The following THADA variants were observed in gnomAD, a reference collection of about 807,000 sequenced individuals.
THADA encodes tRNA (32-2'-O)-methyltransferase regulator THADA.
In THADA, 213 loss-of-function variants were observed where a neutral mutation model predicts 219.8. The ratio of observed to expected loss-of-function variants is 0.97; its 90% confidence interval spans 0.87 to 1.09. The LOEUF (loss-of-function observed/expected upper bound fraction) is 1.09, where lower values mean the gene tolerates loss of function less well. Ranked by LOEUF, THADA falls within the 50% of genes least tolerant of loss-of-function variation. THADA has a pLI of 0.00. For missense variants in THADA, 2,956 were observed against 2,311.3 expected, an observed-to-expected ratio of 1.28 and a Z score of -5.72; for synonymous variants, 1,018 against 828.9, an observed-to-expected ratio of 1.23 and a Z score of -3.92.
intron 30 of THADA, among the ~76,000 whole-genome samples, chr2:43,328,821 A>G (rs76606413): frequency 6.6e-6 from 1 of 152,306 alleles, no homozygotes; most frequent in African/African-American, 2.4e-5. Context: ...TGTTTCCCTT[A>G]GGATTGCTGC....
intron 21 of THADA, among the ~76,000 whole-genome samples, chr2:43,538,002 G>C (rs1377433063): frequency 6.6e-6 from 1 of 151,940 alleles, no homozygotes; most frequent in Non-Finnish European, 1.5e-5. Flanking sequence ...CTAATAGTTG[G>C]CAATCTTACT....
chr2:43,434,853 C>G (rs906577343), intron 26 of THADA, among the ~76,000 whole-genome samples: 44 of 152,314 alleles, frequency 2.9e-4, no homozygotes, highest in African/African-American at 1.0e-3. Context: ...TCTAATTGAG[C>G]TGACTAACAC....
intron 22 of THADA, among the ~76,000 whole-genome samples, chr2:43,516,146 C>A (rs1298783583): frequency 6.6e-6 from 1 of 152,170 alleles, no homozygotes; most frequent in Non-Finnish European, 1.5e-5. Context: ...TCATCACTAT[C>A]TCTTTTCTGT....
chr2:43,459,949 C>G (rs1683431328), intron 26 of THADA, among the ~76,000 whole-genome samples: 1 of 152,128 alleles, frequency 6.6e-6, no homozygotes, highest in Non-Finnish European at 1.5e-5. Flanking sequence ...AAAGCCACAT[C>G]TTGGCAAAAT....
chr2:43,494,462 T>C (rs960163710), intron 25 of THADA, among the ~76,000 whole-genome samples: 2 of 152,230 alleles, frequency 1.3e-5, no homozygotes, highest in African/African-American at 4.8e-5. Context: ...ATGTACCTTC[T>C]TTGTATTCTT....
intron 31 of THADA, among the ~76,000 whole-genome samples, chr2:43,296,464 C>A (rs1675397435): frequency 6.6e-6 from 1 of 151,882 alleles, no homozygotes; most frequent in Admixed American, 6.6e-5. Context: ...TTAGTAGAGA[C>A]AGGGTTTCAC....
chr2:43,306,771 T>C (rs1236060660), intron 31 of THADA, among the ~76,000 whole-genome samples: 2 of 152,170 alleles, frequency 1.3e-5, no homozygotes, highest in African/African-American at 4.8e-5. Flanking sequence ...AGGAGTTAGG[T>C]TAATTCTGCC....
At chr2:43,566,562 A>G (rs773973375) in intron 15 of THADA, 136 bp downstream of exon 15, 10 of 971,712 alleles carry the variant, frequency 1.0e-5, no homozygotes, top group South Asian at 1.4e-5. Flanking sequence ...CATTATGTAC[A>G]AGCAAGAATT....
At chr2:43,275,139 G>A (rs185499559) in intron 36 of THADA, among the ~76,000 whole-genome samples, 43 of 151,698 alleles carry the variant, frequency 2.8e-4, no homozygotes, top group African/African-American at 1.0e-3. Flanking sequence ...AGAGTAACTG[G>A]GACTACAGAT....
intron 31 of THADA, among the ~76,000 whole-genome samples, chr2:43,312,088 A>C (rs1185646870): frequency 6.6e-6 from 1 of 151,982 alleles, no homozygotes; most frequent in African/African-American, 2.4e-5. Context: ...GCATAGTGGC[A>C]TGCGCCTGTG....
At chr2:43,395,747 T>G (rs933752963) in intron 29 of THADA, among the ~76,000 whole-genome samples, 1 of 152,212 alleles carries the variant, frequency 6.6e-6, no homozygotes, top group Non-Finnish European at 1.5e-5. Flanking sequence ...TAATATTTTC[T>G]CAAGTTTACT....
chr2:43,591,498 G>T (rs998358437), intron 3 of THADA, among the ~76,000 whole-genome samples: 1 of 151,392 alleles, frequency 6.6e-6, no homozygotes, highest in African/African-American at 2.4e-5. Flanking sequence ...CCTGTTAATG[G>T]CTTACAGTAA....
chr2:43,392,390 C>T (rs1182484557), intron 29 of THADA, among the ~76,000 whole-genome samples: 1 of 152,128 alleles, frequency 6.6e-6, no homozygotes, highest in East Asian at 1.9e-4. Flanking sequence ...AGAGTTGACA[C>T]TTAAGGTTAC....
At chr2:43,575,806 G>C (rs1304311732) in intron 10 of THADA, among the ~76,000 whole-genome samples, 1 of 152,230 alleles carries the variant, frequency 6.6e-6, no homozygotes, top group East Asian at 1.9e-4. Flanking sequence ...GCAAGCCTGG[G>C]ATTACAGGCT....
chr2:43,393,189 G>A (rs1345441383), intron 29 of THADA, among the ~76,000 whole-genome samples: 1 of 152,200 alleles, frequency 6.6e-6, no homozygotes, highest in East Asian at 1.9e-4. Context: ...ACGGGTCGCA[G>A]CTTCCCTGGG....
chr2:43,409,571 C>G (rs6709101), intron 28 of THADA, among the ~76,000 whole-genome samples: 34,772 of 151,962 alleles, frequency 0.23, 4,535 homozygotes, highest in African/African-American at 0.35. Flanking sequence ...ATCCCAGTAC[C>G]CATGTTTATA....
intron 18 of THADA, 92 bp downstream of exon 18, chr2:43,552,112 T>G (rs1696821061): frequency 6.5e-7 from 1 of 1,533,614 alleles, no homozygotes; most frequent in Admixed American, 2.4e-5. Flanking sequence ...AGCAATAGAC[T>G]GCATTCCTTT....
intron 8 of THADA, among the ~76,000 whole-genome samples, chr2:43,581,379 A>C (rs1700422052): frequency 6.6e-6 from 1 of 151,946 alleles, no homozygotes; most frequent in African/African-American, 2.4e-5. Flanking sequence ...AAAATACAAA[A>C]AATTAGTCAG....
intron 29 of THADA, among the ~76,000 whole-genome samples, chr2:43,348,386 G>A (rs1175509032): frequency 6.6e-6 from 1 of 152,042 alleles, no homozygotes; most frequent in African/African-American, 2.4e-5. Context: ...AGGCTTTTTT[G>A]TTTGTTTGTT....
Sources: allele counts gnomAD v4.1 joint callset (sites outside exome capture counted in the v4.1 genomes callset), GRCh38; gene constraint gnomAD v4.1.1; transcripts MANE v1.5; gene names NCBI Gene and HGNC (gene_info 2026-07-23, HGNC 2026-07-21).